TM9SF2: variants seen among roughly 807,000 people sequenced by gnomAD.
TM9SF2 encodes the protein transmembrane 9 superfamily member 2, also known as 76 kDa membrane protein.
TM9SF2 carries 13 observed loss-of-function variants against 84.9 expected under a neutral mutation model. The observed-to-expected ratio is 0.15, with a 90% CI of 0.10 to 0.24. TM9SF2 has a LOEUF of 0.24. Ranked by LOEUF, TM9SF2 falls within the 10% of genes least tolerant of loss-of-function variation. The pLI, the probability that TM9SF2 is intolerant of heterozygous loss-of-function variation, is 1.00. For missense variants in TM9SF2, 562 were observed against 818.5 expected (o/e 0.69, Z 3.82); for synonymous variants, 273 against 285.8 (o/e 0.96, Z 0.45).
intron 2 of TM9SF2, 120 bp downstream of exon 2, chr13:99,517,801 T>C (rs1007383536): frequency 1.9e-6 from 1 of 516,898 alleles, no homozygotes; most frequent in Non-Finnish European, 3.2e-6. Context: ...TAAGGTGTAC[T>C]CTTCCAAGGT....
intron 4 of TM9SF2, 73 bp downstream of exon 4, chr13:99,529,667 ATTAC>A: frequency 2.2e-6 from 3 of 1,364,250 alleles, no homozygotes; most frequent in Non-Finnish European, 2.9e-6. Flanking sequence ...GACTATATAA[ATTAC>A]TTGATTGTGT....
intron 3 of TM9SF2, among the ~76,000 whole-genome samples, chr13:99,524,488 G>T (rs1395793637): frequency 1.3e-5 from 2 of 152,030 alleles, no homozygotes; most frequent in East Asian, 3.9e-4. Context: ...TGTTTATTAG[G>T]TGTCCAAGCA....
intron 4 of TM9SF2, among the ~76,000 whole-genome samples, chr13:99,531,210 A>G (rs2046207643): frequency 6.6e-6 from 1 of 152,212 alleles, no homozygotes; most frequent in Non-Finnish European, 1.5e-5. Flanking sequence ...TTGAAGTATA[A>G]CCATTGCTAT....
chr13:99,547,584 CATT>C (rs1479894723), intron 11 of TM9SF2, among the ~76,000 whole-genome samples: 1 of 152,168 alleles, frequency 6.6e-6, no homozygotes, highest in Non-Finnish European at 1.5e-5. Flanking sequence ...ACAAAGATCT[CATT>C]ATTTTGGAGA....
chr13:99,520,481 C>A (rs1471223157), intron 3 of TM9SF2, among the ~76,000 whole-genome samples: 2 of 152,112 alleles, frequency 1.3e-5, no homozygotes. Context: ...GTGTCTCTTT[C>A]CCCCTGTTTT....
At chr13:99,507,386 A>G (rs1351090303) in intron 1 of TM9SF2, among the ~76,000 whole-genome samples, 1 of 152,148 alleles carries the variant, frequency 6.6e-6, no homozygotes, top group Non-Finnish European at 1.5e-5. Flanking sequence ...ATTTTTTAGA[A>G]ACAGTCTTGC....
At chr13:99,538,080 A>G (rs775752168) in intron 6 of TM9SF2, among the ~76,000 whole-genome samples, 2 of 152,028 alleles carry the variant, frequency 1.3e-5, no homozygotes, top group Non-Finnish European at 2.9e-5. Context: ...AAGGTGCCTT[A>G]GTGTTTTGTT....
chr13:99,517,451 T>C (rs2046139542), intron 1 of TM9SF2, among the ~76,000 whole-genome samples, 163 bp from the exon 2 acceptor site: 1 of 152,256 alleles, frequency 6.6e-6, no homozygotes, highest in South Asian at 2.1e-4. Context: ...TAAATGTATA[T>C]AAATCCAGTC....
At chr13:99,530,823 A>T (rs1481088680) in intron 4 of TM9SF2, among the ~76,000 whole-genome samples, 1 of 152,122 alleles carries the variant, frequency 6.6e-6, no homozygotes, top group Non-Finnish European at 1.5e-5. Flanking sequence ...TTTTCCTTCC[A>T]AAGTAGTATA....
At chr13:99,535,742 G>A (rs907782178) in intron 4 of TM9SF2, among the ~76,000 whole-genome samples, 7 of 152,052 alleles carry the variant, frequency 4.6e-5, no homozygotes, top group African/African-American at 9.7e-5. Context: ...CTGGAGTGTC[G>A]TCTTATGACT....
chr13:99,557,531 G>A (rs76335594), intron 15 of TM9SF2, among the ~76,000 whole-genome samples: 1 of 152,006 alleles, frequency 6.6e-6, no homozygotes, highest in Non-Finnish European at 1.5e-5. Flanking sequence ...GAGGTCAAAT[G>A]TATCTGTTTT....
intron 9 of TM9SF2, 134 bp downstream of exon 9, chr13:99,541,801 C>A (rs2046260824): frequency 1.8e-6 from 1 of 554,038 alleles, no homozygotes; most frequent in South Asian, 2.6e-5. Flanking sequence ...CAAAAAAATT[C>A]TTCTCAAAAG....
At chr13:99,562,039 G>A (rs972541608) in intron 16 of TM9SF2, among the ~76,000 whole-genome samples, 2 of 152,162 alleles carry the variant, frequency 1.3e-5, no homozygotes, top group African/African-American at 4.8e-5. Flanking sequence ...AGGCAATGAG[G>A]ACAGATAAAT....
chr13:99,562,643 A>G (rs1566575887), intron 16 of TM9SF2, 48 bp from the exon 17 acceptor site: 3 of 1,579,618 alleles, frequency 1.9e-6, no homozygotes, highest in Non-Finnish European at 8.6e-7. Flanking sequence ...TGTGTAAAGT[A>G]TGAAACTTCC....
intron 3 of TM9SF2, among the ~76,000 whole-genome samples, chr13:99,523,062 G>A (rs1279396191): frequency 6.6e-6 from 1 of 152,216 alleles, no homozygotes; most frequent in Non-Finnish European, 1.5e-5. Flanking sequence ...AAGGGACAGA[G>A]CAGGCACATT....
intron 1 of TM9SF2, among the ~76,000 whole-genome samples, chr13:99,502,315 A>G (rs919791408): frequency 1.3e-5 from 2 of 152,192 alleles, no homozygotes; most frequent in Non-Finnish European, 2.9e-5. Context: ...TAGGACTTTG[A>G]TATCTCGCTT....
chr13:99,501,672 C>T lies in TM9SF2; in HGVS notation c.66C>T (p.Leu22=). The change falls in exon 1 of 17, where the codon CTC becomes CTT. Residue 22 remains leucine, a synonymous_variant. Coordinates refer to ENST00000376387, the MANE Select transcript of TM9SF2 (RefSeq NM_004800.3). ...RWPRLLLLSL[L]LLGAVPGPRR... ...CGCGGCTGTTGCTGCTGTCGCTGCT[C>T]CTGCTGGGGGCGGTTCCTGGCCCGC... 1.9e-6 allele frequency: 3 copies of T among 1,613,372 alleles called. No homozygotes were observed. The highest frequency in any genetic ancestry group is 1.1e-5 in the South Asian group (1 of 91,056).
intron 7 of TM9SF2, 62 bp downstream of exon 7, chr13:99,539,619 C>A: frequency 9.3e-7 from 1 of 1,076,904 alleles, no homozygotes; most frequent in Non-Finnish European, 1.4e-6. Flanking sequence ...ACTACTTAAA[C>A]TAATTAAAAT....
chr13:99,537,795 A>G lies in TM9SF2; in HGVS notation c.648A>G (p.Ile216Met), dbSNP rs766030298. The G allele has an allele frequency of 5.6e-6, 9 of 1,611,856 alleles. No individual in the cohort carries two copies. Among genetic ancestry groups the G allele is most frequent in the Non-Finnish European group, 4.2e-6 (5 of 1,179,622 alleles). ...FYIFNHVDIK[I>M]YYHVVETGSM... ...TCTTCAACCATGTTGACATCAAAAT[A>G]TACTATCATGTTGTTGAAACTGGGT... The change falls in exon 6 of 17, where the codon ATA becomes ATG. Residue 216 changes from isoleucine (I) to methionine (M), a missense_variant. By Grantham distance (10) the Ile-to-Met change is conservative. Transcript: ENST00000376387.
Sources: gnomAD v4.1 joint callset for allele counts (sites outside exome capture counted in the v4.1 genomes callset) on GRCh38, gnomAD v4.1.1 for gene constraint, MANE v1.5 for transcripts, NCBI Gene and HGNC (gene_info 2026-07-23, HGNC 2026-07-21) for gene names.